Variants in YARS1 observed in about 807,000 individuals in gnomAD.
The protein encoded by YARS1 is tyrosine--tRNA ligase, cytoplasmic.
Under a neutral mutation model 62.2 loss-of-function variants are expected in YARS1, and 36 were observed. The ratio of observed to expected loss-of-function variants is 0.58; its 90% CI spans 0.44 to 0.76. YARS1 has a LOEUF of 0.76. Among genes scored for constraint, YARS1 ranks in the 30% least tolerant of loss-of-function variants. The probability of loss-of-function intolerance (pLI) is 0.00; values close to 1 mark genes in which losing one functional copy is unlikely to be tolerated. For synonymous variants in YARS1, 234 were observed against 244.9 expected (o/e 0.96, Z 0.42); for missense variants, 524 against 639.8 (o/e 0.82, Z 1.95).
chr1:32,793,908 C>T (rs902561179), intron 5 of YARS1, among the ~76,000 whole-genome samples: 1 of 152,210 alleles, frequency 6.6e-6, no homozygotes, highest in Non-Finnish European at 1.5e-5. Flanking sequence ...GAACTCATTA[C>T]TGAAAGAACT....
intron 2 of YARS1, 71 bp downstream of exon 2, chr1:32,810,840 C>T (rs1442303600): frequency 1.2e-6 from 2 of 1,613,920 alleles, no homozygotes; most frequent in Non-Finnish European, 1.7e-6. Flanking sequence ...CCAGCCCCAC[C>T]CTGTCCTTGT....
chr1:32,801,101 A>C (rs1485818223), intron 4 of YARS1, among the ~76,000 whole-genome samples: 1 of 152,242 alleles, frequency 6.6e-6, no homozygotes, highest in Non-Finnish European at 1.5e-5. Context: ...TAAAGGACAG[A>C]CAGGTAGAGA....
At chr1:32,804,432 C>T (rs1344589595) in intron 4 of YARS1, among the ~76,000 whole-genome samples, 2 of 151,860 alleles carry the variant, frequency 1.3e-5, no homozygotes, top group East Asian at 2.0e-4. Context: ...CCCCACCTCC[C>T]GGACGGGGCG....
rs774884649 is a variant in YARS1, at chr1:32,775,984, G to A, written c.1584C>T (p.Ser528=). Residue 528 remains serine, a synonymous_variant, in exon 13 of 13, where the codon AGC becomes AGT. Transcript: ENST00000373477. ...SCKSLKGGNI[S] ...AGGGGGGAAGATGCTGGGCTGGCTAGCTAATGTTCCCCCCTTTCAGCGATT... is the reference window on the plus strand; with the variant it reads ...AGGGGGGAAGATGCTGGGCTGGCTAACTAATGTTCCCCCCTTTCAGCGATT... The A allele has an allele frequency of 6.2e-7, 1 of 1,613,126 alleles. No individual in the cohort carries two copies. The highest frequency in any genetic ancestry group is 2.2e-5 in the East Asian group (1 of 44,892).
At chr1:32,796,961 GTC>G (rs549487133) in intron 5 of YARS1, among the ~76,000 whole-genome samples, 1,725 of 20,630 alleles carry the variant, frequency 0.084, 41 homozygotes, top group Middle Eastern at 0.15. Context: ...GCGAAACTCA[GTC>G]TCAAAAAAAA....
intron 6 of YARS1, among the ~76,000 whole-genome samples, chr1:32,788,204 A>G (rs1320725752): frequency 2.0e-5 from 3 of 152,230 alleles, no homozygotes; most frequent in Non-Finnish European, 4.4e-5. Context: ...TAGTTGGAGA[A>G]TAAATGTCTA....
chr1:32,776,131 G>T lies in YARS1; in HGVS notation c.1477-40C>A. On this transcript the variant is annotated intron_variant, in intron 12 of 12. Transcript: ENST00000373477. This position sits in a 1 kb window ranked among gnomAD's most constrained non-coding sequence, Gnocchi z 4.0. ...TAAGAGAGATTTTAATGATGGTGGTGGGACTGCAAGAAAACCCCCCCTTTT... is the reference window on the plus strand; with the variant it reads ...TAAGAGAGATTTTAATGATGGTGGTTGGACTGCAAGAAAACCCCCCCTTTT... 1 of 1,541,456 alleles carries T rather than the reference G, an allele frequency of 6.5e-7. No homozygotes were observed. Among genetic ancestry groups the T allele is most frequent in the Non-Finnish European group, 8.9e-7 (1 of 1,119,494 alleles).
rs1385475602 is a variant in YARS1 at position 32,817,338 on chromosome 1, T to C, written c.-94A>G. Reference sequence around the variant, plus strand: ...CGCGTGCCGGGAACTGTCACGCGAGTCCAGCCAGGTTGCATCAGCTGGGCT... The same window carrying C: ...CGCGTGCCGGGAACTGTCACGCGAGCCCAGCCAGGTTGCATCAGCTGGGCT... On this transcript the variant is annotated 5_prime_UTR_variant, in exon 1 of 13. Coordinates refer to ENST00000373477, the MANE Select transcript of YARS1 (RefSeq NM_003680.4). 21 of 1,526,508 alleles carry C rather than the reference T, an allele frequency of 1.4e-5. No individual in the cohort carries two copies. The highest frequency in any genetic ancestry group is 1.7e-5 in the Non-Finnish European group (19 of 1,109,470). 94.6% of individuals were successfully genotyped at this position (1,526,508 alleles called of 1,614,324 possible). A position where few individuals can be genotyped will look rare whatever the true frequency, so the allele number is the denominator to read the frequency against.
intron 6 of YARS1, among the ~76,000 whole-genome samples, chr1:32,788,388 C>A (rs556718315): frequency 6.6e-5 from 10 of 152,094 alleles, no homozygotes; most frequent in Non-Finnish European, 1.3e-4. Context: ...GGAGTTAGGA[C>A]TACAGGTGTA....
At chr1:32,812,840 C>A (rs557233216) in intron 1 of YARS1, among the ~76,000 whole-genome samples, 9 of 151,912 alleles carry the variant, frequency 5.9e-5, no homozygotes, top group East Asian at 5.8e-4. Context: ...TGGTGGCAGG[C>A]GCCTGTAATC....
intron 12 of YARS1, among the ~76,000 whole-genome samples, chr1:32,778,850 T>C (rs1569703562): frequency 6.6e-6 from 1 of 151,354 alleles, no homozygotes; most frequent in East Asian, 2.0e-4. Context: ...GTGATTCTCC[T>C]GCCTCAGCCT....
At position 32,816,703 on chromosome 1, in the gene YARS1, G is replaced by A. The variant is rs76213478; in HGVS notation, c.57+485C>T. On this transcript the variant is annotated intron_variant, in intron 1 of 12. Coordinates refer to ENST00000373477, the MANE Select transcript of YARS1 (RefSeq NM_003680.4). ...ACAAACGGAACATTTGTGGAGTGAG[G>A]GGGGGGGATCCATTTCCTTCAAGGC... 62 of 165,630 alleles carry A rather than the reference G, an allele frequency of 3.7e-4. No individual in the cohort carries two copies. The East Asian group carries it at 8.2e-3, about 22-fold the overall frequency. 10.3% of individuals were successfully genotyped at this position (165,630 alleles called of 1,614,324 possible).
intron 4 of YARS1, among the ~76,000 whole-genome samples, chr1:32,802,696 CTTTT>C (rs1386341587): frequency 6.6e-6 from 1 of 152,166 alleles, no homozygotes; most frequent in Non-Finnish European, 1.5e-5. Context: ...AAGAATCTTT[CTTTT>C]TGAGGAGTAG....
chr1:32,796,730 G>A (rs1653595660), intron 5 of YARS1, among the ~76,000 whole-genome samples: 1 of 151,438 alleles, frequency 6.6e-6, no homozygotes, highest in Non-Finnish European at 1.5e-5. Flanking sequence ...TTGGAAGGCT[G>A]AGATGGGTGG....
intron 6 of YARS1, 123 bp from the exon 7 acceptor site, chr1:32,787,198 T>C: frequency 3.4e-6 from 4 of 1,163,042 alleles, no homozygotes; most frequent in Non-Finnish European, 4.9e-6. Context: ...GGCACAATCA[T>C]GGCTCACTGC....
chr1:32,807,326 TTTC>T (rs1638486568), intron 3 of YARS1, among the ~76,000 whole-genome samples: 1 of 152,230 alleles, frequency 6.6e-6, no homozygotes, highest in African/African-American at 2.4e-5. Context: ...TGTGTCGGGC[TTTC>T]AAGTGGCCGG....
At chr1:32,815,285 G>A (rs908000556) in intron 1 of YARS1, among the ~76,000 whole-genome samples, 1 of 152,114 alleles carries the variant, frequency 6.6e-6, no homozygotes, top group Non-Finnish European at 1.5e-5. Context: ...GGAGGCAGAG[G>A]TTGCAGTGAG....
rs750860112 is a variant in YARS1, at chr1:32,786,457, A to G, written c.821-10T>C. Reference sequence around the variant, plus strand: ...CGTAGGATCACAAACTCTATAAGGAAAAGGATCCATGTCAACAAACTCATT... The same window carrying G: ...CGTAGGATCACAAACTCTATAAGGAGAAGGATCCATGTCAACAAACTCATT... On this transcript the variant is annotated splice_polypyrimidine_tract_variant and intron_variant, in intron 7 of 12. Coordinates refer to ENST00000373477, the MANE Select transcript of YARS1 (RefSeq NM_003680.4). 1 of 1,612,366 alleles carries G rather than the reference A, an allele frequency of 6.2e-7. No individual in the cohort carries two copies. Among genetic ancestry groups the G allele is most frequent in the Non-Finnish European group, 8.5e-7 (1 of 1,178,850 alleles).
intron 8 of YARS1, among the ~76,000 whole-genome samples, chr1:32,785,934 C>T (rs1467821971): frequency 1.3e-5 from 2 of 149,028 alleles, no homozygotes; most frequent in Non-Finnish European, 3.0e-5. Context: ...TTATTGAATA[C>T]AGAAAGTGAA....
Sources: gnomAD v4.1 joint callset for allele counts (sites outside exome capture counted in the v4.1 genomes callset) on GRCh38, gnomAD v4.1.1 for gene constraint, Gnocchi (gnomAD v3.1) non-coding constraint, MANE v1.5 for transcripts, NCBI Gene and HGNC (gene_info 2026-07-23, HGNC 2026-07-21) for gene names.